Variants in ELAPOR1 observed in about 807,000 individuals in gnomAD.
ELAPOR1 encodes the protein endosome-lysosome associated apoptosis and autophagy regulator 1.
Under a neutral mutation model 119.7 loss-of-function variants are expected in ELAPOR1, and 77 were observed. The observed-to-expected ratio is 0.64, with a 90% CI of 0.54 to 0.78. The LOEUF (loss-of-function observed/expected upper bound fraction) is 0.78. Among genes scored for constraint, ELAPOR1 ranks in the 30% least tolerant of loss-of-function variants. ELAPOR1 has a pLI of 0.00. For synonymous variants in ELAPOR1, 481 were observed against 487.2 expected (o/e 0.99, Z 0.17); for missense variants, 1,115 against 1,270.4 (o/e 0.88, Z 1.86).
intron 1 of ELAPOR1, among the ~76,000 whole-genome samples, chr1:109,150,245 A>C (rs1241988663): frequency 6.6e-6 from 1 of 152,122 alleles, no homozygotes; most frequent in Admixed American, 6.5e-5. Context: ...AGGCCCTGCC[A>C]GGGGGACCAG....
intron 1 of ELAPOR1, among the ~76,000 whole-genome samples, chr1:109,129,592 C>T (rs1212765317): frequency 6.6e-6 from 1 of 152,318 alleles, no homozygotes; most frequent in African/African-American, 2.4e-5. Flanking sequence ...TTTAAGGGAA[C>T]AAGTGGTTGC....
intron 1 of ELAPOR1, among the ~76,000 whole-genome samples, chr1:109,146,609 A>G (rs1650194177): frequency 6.6e-6 from 1 of 152,244 alleles, no homozygotes; most frequent in Non-Finnish European, 1.5e-5. Context: ...AGAGAAATGT[A>G]AAAGGATTTG....
intron 16 of ELAPOR1, 138 bp from the exon 17 acceptor site, chr1:109,197,841 C>A: frequency 1.0e-6 from 1 of 990,946 alleles, no homozygotes; most frequent in East Asian, 2.5e-5. Context: ...CTGACAAACC[C>A]TTGTTTCACC....
chr1:109,114,483 C>A, intron 1 of ELAPOR1, 147 bp downstream of exon 1: 2 of 952,824 alleles, frequency 2.1e-6, no homozygotes, highest in South Asian at 1.8e-5. Flanking sequence ...GGAAGAGGAG[C>A]CAGTCTGGCG....
chr1:109,206,228 T>C lies in ELAPOR1; in HGVS notation c.*3216T>C, dbSNP rs943890138. 1.3e-5 allele frequency: 2 copies of C among 152,206 alleles called. No homozygotes were observed. Among genetic ancestry groups the C allele is most frequent in the Non-Finnish European group, 2.9e-5 (2 of 68,064 alleles). 9.4% of individuals were successfully genotyped at this position (152,206 alleles called of 1,614,324 possible). ...TGGGGTTTCACCATGTTGGCCAGGC[T>C]GGTCTCAAACTCCTGGACTCAAGTG... is the stretch of plus-strand genomic sequence containing the variant. On this transcript the variant is annotated 3_prime_UTR_variant, in exon 22 of 22. Transcript: ENST00000369939.
At chr1:109,125,669 C>T (rs1570604253) in intron 1 of ELAPOR1, among the ~76,000 whole-genome samples, 1 of 152,166 alleles carries the variant, frequency 6.6e-6, no homozygotes, top group South Asian at 2.1e-4. Context: ...CAGGCGGGAG[C>T]CACCACGCCC....
intron 1 of ELAPOR1, among the ~76,000 whole-genome samples, chr1:109,132,701 C>T (rs1649223233): frequency 6.6e-6 from 1 of 152,006 alleles, no homozygotes; most frequent in African/African-American, 2.4e-5. Flanking sequence ...GGCAAAGGCC[C>T]TGAGATGAGT....
At chr1:109,121,130 T>C (rs1648386270) in intron 1 of ELAPOR1, among the ~76,000 whole-genome samples, 1 of 152,174 alleles carries the variant, frequency 6.6e-6, no homozygotes, top group Non-Finnish European at 1.5e-5. Context: ...CTTTTTGCAT[T>C]CTGTATTTCT....
chr1:109,162,385 T>C (rs746377918), intron 2 of ELAPOR1, among the ~76,000 whole-genome samples: 1 of 152,178 alleles, frequency 6.6e-6, no homozygotes, highest in Non-Finnish European at 1.5e-5. Context: ...TTAGGCAAGA[T>C]TGAGATTTGC....
intron 11 of ELAPOR1, among the ~76,000 whole-genome samples, chr1:109,189,976 A>G (rs960953649): frequency 6.6e-6 from 1 of 152,176 alleles, no homozygotes; most frequent in Admixed American, 6.5e-5. Flanking sequence ...ATTAGAAAAA[A>G]AATAAAAATA....
At chr1:109,175,179 G>A (rs2101066676) in intron 7 of ELAPOR1, among the ~76,000 whole-genome samples, 1 of 151,740 alleles carries the variant, frequency 6.6e-6, no homozygotes, top group East Asian at 2.0e-4. Context: ...TTTTTTAAGT[G>A]GTGAATTTTT....
intron 3 of ELAPOR1, among the ~76,000 whole-genome samples, chr1:109,169,488 A>T (rs1332734548): frequency 6.6e-6 from 1 of 151,844 alleles, no homozygotes; most frequent in Non-Finnish European, 1.5e-5. Flanking sequence ...ACCTCAGGTG[A>T]TCCACCCGCC....
intron 1 of ELAPOR1, among the ~76,000 whole-genome samples, chr1:109,158,645 G>A (rs551994702): frequency 5.9e-5 from 9 of 152,216 alleles, no homozygotes; most frequent in South Asian, 2.1e-4. Context: ...TTGGGTGTGC[G>A]TCATAGAATT....
At chr1:109,173,097 C>CAAAA (rs58149393) in intron 5 of ELAPOR1, among the ~76,000 whole-genome samples, 1 of 91,920 alleles carries the variant, frequency 1.1e-5, no homozygotes. Flanking sequence ...AACTCTGTCT[C>CAAAA]AAAAAAAAAA....
rs757438910 is a variant in ELAPOR1 at position 109,173,468 on chromosome 1, T to G, written c.697-6T>G. 9 of 1,612,830 alleles carry G rather than the reference T, an allele frequency of 5.6e-6. No individual in the cohort carries two copies. The highest frequency in any genetic ancestry group is 3.3e-5 in the Admixed American group (2 of 59,854). On this transcript the variant is annotated splice_polypyrimidine_tract_variant and splice_region_variant and intron_variant, in intron 5 of 21. Coordinates refer to ENST00000369939, the MANE Select transcript of ELAPOR1 (RefSeq NM_020775.5). ...ATGAATGAATGCTCCTGTTTGTGGT[T>G]TTTAGGTGGAGCTAAATCGAGGCAA...
At chr1:109,197,693 G>C (rs112052476) in intron 16 of ELAPOR1, 39 bp downstream of exon 16, 8 of 1,518,122 alleles carry the variant, frequency 5.3e-6, no homozygotes, top group Non-Finnish European at 7.2e-6. Flanking sequence ...TTGAGAGTGT[G>C]TGTGTGTGTG....
intron 1 of ELAPOR1, among the ~76,000 whole-genome samples, chr1:109,155,037 C>A (rs554778900): frequency 1.1e-3 from 161 of 152,276 alleles, no homozygotes; most frequent in African/African-American, 3.6e-3. Context: ...CCCGTCCCAT[C>A]CTTGCTAGCA....
intron 7 of ELAPOR1, among the ~76,000 whole-genome samples, chr1:109,176,065 C>T (rs1272999882): frequency 6.6e-6 from 1 of 152,072 alleles, no homozygotes; most frequent in Non-Finnish European, 1.5e-5. Context: ...TCTAGGTTTC[C>T]TTGTAACACA....
intron 7 of ELAPOR1, among the ~76,000 whole-genome samples, chr1:109,182,794 G>C (rs1327778998): frequency 2.0e-5 from 3 of 151,810 alleles, no homozygotes; most frequent in African/African-American, 7.3e-5. Flanking sequence ...GTGAACCCGG[G>C]AGGCGGAGCT....
Sources: allele counts gnomAD v4.1 joint callset (sites outside exome capture counted in the v4.1 genomes callset), GRCh38; gene constraint gnomAD v4.1.1; transcripts MANE v1.5; gene names NCBI Gene and HGNC (gene_info 2026-07-23, HGNC 2026-07-21).